LRRC18: variants seen among roughly 807,000 people sequenced by gnomAD.
LRRC18 encodes leucine rich repeat containing 18.
A neutral mutation model predicts 11.2 loss-of-function variants in LRRC18; 12 were observed. The observed-to-expected ratio is 1.07, with a 90% CI of 0.69 to 1.74. LRRC18 has a LOEUF of 1.74. Ranked by LOEUF, LRRC18 falls within the 40% of genes most tolerant of loss-of-function variation. The pLI is 0.00. For missense variants in LRRC18, 374 were observed against 330.5 expected (o/e 1.13, Z -1.02); for synonymous variants, 155 against 130.6 (o/e 1.19, Z -1.27).
upstream of LRRC18, among the ~76,000 whole-genome samples, chr10:48,916,359 G>A (rs1237228089): frequency 6.6e-6 from 1 of 152,116 alleles, no homozygotes; most frequent in African/African-American, 2.4e-5. Context: ...AAATCTGTTT[G>A]GTGTTCTGTT....
chr10:48,917,733 A>G (rs1387676074), upstream of LRRC18, among the ~76,000 whole-genome samples: 1 of 152,266 alleles, frequency 6.6e-6, no homozygotes, highest in Non-Finnish European at 1.5e-5. Context: ...AGAAATGTCC[A>G]AGGAAGTTCT....
chr10:48,930,929 A>G, the LRRC18 span, among the ~76,000 whole-genome samples: 1 of 152,166 alleles, frequency 6.6e-6, no homozygotes, highest in African/African-American at 2.4e-5. Context: ...GAGAGAAAGA[A>G]CGCCAAGAAT....
chr10:48,914,515 CTG>C (rs1463922532), upstream of LRRC18, among the ~76,000 whole-genome samples: 1 of 152,210 alleles, frequency 6.6e-6, no homozygotes, highest in Non-Finnish European at 1.5e-5. Context: ...ATACTCTCCA[CTG>C]TCCCAGACTG....
upstream of LRRC18, chr10:48,914,299 A>G: frequency 2.3e-6 from 2 of 865,464 alleles, no homozygotes; most frequent in East Asian, 2.6e-5. Context: ...CCACGTCATG[A>G]CGCTTTGCTC....
chr10:48,938,042 G>C, the LRRC18 span, among the ~76,000 whole-genome samples: 1 of 152,204 alleles, frequency 6.6e-6, no homozygotes, highest in Admixed American at 6.5e-5. Flanking sequence ...TAGCCCACAC[G>C]CATCAGCAGG....
upstream of LRRC18, among the ~76,000 whole-genome samples, chr10:48,917,730 TC>T (rs1384993887): frequency 6.6e-6 from 1 of 152,182 alleles, no homozygotes; most frequent in Non-Finnish European, 1.5e-5. Context: ...AAAAGAAATG[TC>T]CAAGGAAGTT....
At chr10:48,911,651 A>G (rs868757610) in intron 1 of LRRC18, among the ~76,000 whole-genome samples, 1 of 152,234 alleles carries the variant, frequency 6.6e-6, no homozygotes, top group African/African-American at 2.4e-5. Context: ...CAGGAATGCT[A>G]TAATTTTAAC....
exon 1 of LRRC18, chr10:48,913,581 A>C: frequency 6.2e-7 from 1 of 1,613,950 alleles, no homozygotes; most frequent in Middle Eastern, 1.6e-4. Flanking sequence ...CAGCCTCCTG[A>C]TGGAGTCTAT....
chr10:48,924,510 G>T, the LRRC18 span, among the ~76,000 whole-genome samples: 1 of 152,212 alleles, frequency 6.6e-6, no homozygotes, highest in Non-Finnish European at 1.5e-5. Context: ...ACAGACGAAT[G>T]GATGTATTTA....
chr10:48,910,376 T>G lies in LRRC18; in HGVS notation c.765-118A>C, dbSNP rs377005374. On this transcript the variant is annotated intron_variant, in intron 1 of 1. Coordinates refer to ENST00000374160, the Ensembl canonical transcript of LRRC18. ...ATGCCTGACCTTCAGGATGGTCAGG[T>G]TAGTGTGAATGGGGGTTTTGTTGTA... 15 of 845,122 alleles carry G rather than the reference T, an allele frequency of 1.8e-5. No individual in the cohort carries two copies. In the East Asian group the frequency reaches 3.4e-4, roughly 19 times the overall value. 52.4% of individuals were successfully genotyped at this position (845,122 alleles called of 1,614,324 possible).
chr10:48,925,065 T>C, the LRRC18 span, among the ~76,000 whole-genome samples: 1 of 152,228 alleles, frequency 6.6e-6, no homozygotes, highest in Non-Finnish European at 1.5e-5. Flanking sequence ...TTTCATGTCA[T>C]GTGGATGAGA....
chr10:48,911,023 C>T (rs1373798880), intron 1 of LRRC18: 8 of 432,498 alleles, frequency 1.8e-5, no homozygotes, highest in South Asian at 9.6e-5. Flanking sequence ...TGTAGCTATC[C>T]GGCACTGTCT....
chr10:48,910,806 T>G, intron 1 of LRRC18: 1 of 517,604 alleles, frequency 1.9e-6, no homozygotes, highest in Non-Finnish European at 2.5e-6. Context: ...CAAGTAAGGG[T>G]GTTGAGGACC....
chr10:48,916,893 G>A (rs1838595041), upstream of LRRC18, among the ~76,000 whole-genome samples: 1 of 151,952 alleles, frequency 6.6e-6, no homozygotes, highest in African/African-American at 2.4e-5. Flanking sequence ...GTGTGTGTGT[G>A]TGTGTGTGTG....
exon 1 of LRRC18, chr10:48,913,842 T>C (rs917109482): frequency 1.2e-6 from 2 of 1,614,100 alleles, no homozygotes; most frequent in South Asian, 1.1e-5. Flanking sequence ...CAGCCGGTTG[T>C]TGCTGACGTT....
At chr10:48,924,349 A>G in the LRRC18 span, among the ~76,000 whole-genome samples, 3 of 152,210 alleles carry the variant, frequency 2.0e-5, no homozygotes, top group Non-Finnish European at 2.9e-5. Flanking sequence ...AGAAGCCATG[A>G]TCTTTTGATC....
the LRRC18 span, chr10:48,932,632 AAG>A: frequency 6.8e-6 from 1 of 147,700 alleles, no homozygotes; most frequent in Non-Finnish European, 1.5e-5. Context: ...CTACCATGTC[AAG>A]AGAGAGCAAA....
chr10:48,911,824 A>G (rs1838030715), intron 1 of LRRC18, among the ~76,000 whole-genome samples: 1 of 152,216 alleles, frequency 6.6e-6, no homozygotes, highest in Non-Finnish European at 1.5e-5. Context: ...GAAAAACTAA[A>G]ATGAAAATTT....
chr10:48,924,467 T>G, the LRRC18 span, among the ~76,000 whole-genome samples: 2 of 152,304 alleles, frequency 1.3e-5, no homozygotes, highest in Admixed American at 1.3e-4. Flanking sequence ...GGGAGAAAGA[T>G]GTAAGTAGAT....
Sources: allele counts gnomAD v4.1 joint callset (sites outside exome capture counted in the v4.1 genomes callset), GRCh38; gene constraint gnomAD v4.1.1; transcripts MANE v1.5; gene names NCBI Gene and HGNC (gene_info 2026-07-23, HGNC 2026-07-21).